Variants in HTD2 observed in about 807,000 individuals in gnomAD.
The protein encoded by HTD2 is hydroxyacyl-thioester dehydratase type 2, mitochondrial.
Under a neutral mutation model 3.1 loss-of-function variants are expected in HTD2, and 1 was observed. That is an observed-to-expected ratio of 0.32 (90% CI 0.11 to 1.52). HTD2 has a LOEUF of 1.52. Ranked by LOEUF, HTD2 falls within the 40% of genes most tolerant of loss-of-function variation. HTD2 has a pLI of 0.39. For missense variants in HTD2, 150 were observed against 79.6 expected (o/e 1.88, Z -3.36); for synonymous variants, 50 against 28.9 (o/e 1.73, Z -2.34).
In HTD2 at chr3:58,317,769, T is replaced by C. The variant is rs759506937; in HGVS notation, c.156T>C (p.Asp52=). 2 of 703,176 alleles carry C rather than the reference T, an allele frequency of 2.8e-6. No individual in the cohort carries two copies. Among genetic ancestry groups the C allele is most frequent in the South Asian group, 3.0e-5 (2 of 67,606 alleles). The allele number at this position is 703,176 out of a possible 1,614,324, so 43.6% of individuals were successfully genotyped here. A position where few individuals can be genotyped will look rare whatever the true frequency, so the allele number is the denominator to read the frequency against. The change falls in exon 5 of 5, where the codon GAT becomes GAC. Residue 52 remains aspartate (D), a synonymous_variant. Transcript: ENST00000461393. ...AELRRAFTQT[D]VATFSELTGD... is the part of the protein sequence containing the mutation. ...TTAGGAGGGCCTTCACACAGACTGATGTGGCTACCTTCTCAGAATTAACAG... is the reference window on the plus strand; with the variant it reads ...TTAGGAGGGCCTTCACACAGACTGACGTGGCTACCTTCTCAGAATTAACAG...
Position 58,317,603 on chromosome 3 carries a change from G to T in HTD2, c.-11G>T. 1 of 810,884 alleles carries T rather than the reference G, an allele frequency of 1.2e-6. No individual in the cohort carries two copies. The highest frequency in any genetic ancestry group is 2.1e-6 in the Non-Finnish European group (1 of 478,818). The allele number at this position is 810,884 out of a possible 1,614,324, so 50.2% of individuals were successfully genotyped here. On this transcript the variant is annotated 5_prime_UTR_variant, in exon 5 of 5. It adds an upstream start codon to the 5' untranslated region. Coordinates refer to ENST00000461393, the MANE Select transcript of HTD2 (RefSeq NM_001348712.2). ...GCTAAAAGCTCTTGATGAAATTTGA[G>T]GGTGCTGAAGATGTTCCCACTAATT...
intron 2 of HTD2, among the ~76,000 whole-genome samples, chr3:58,314,552 AGAAT>A (rs2097486165): frequency 6.6e-6 from 1 of 152,196 alleles, no homozygotes; most frequent in East Asian, 1.9e-4. Context: ...TGTACCTAGC[AGAAT>A]GACTGAAATA....
In HTD2 at chr3:58,306,668, G is replaced by A. The variant is rs1458385564; in HGVS notation, c.-416+17G>A. ...CGGCGCGAGGTGAGCGCTAAATAGT[G>A]GTTGTTGAAAAATATTGAAAGCCAC... On this transcript the variant is annotated intron_variant, in intron 1 of 4. Coordinates refer to ENST00000461393, the MANE Select transcript of HTD2 (RefSeq NM_001348712.2). 1 of 152,256 alleles carries A rather than the reference G, an allele frequency of 6.6e-6. No individual in the cohort carries two copies. The allele number at this position is 152,256 out of a possible 1,614,324, so 9.4% of individuals were successfully genotyped here. A position where few individuals can be genotyped will look rare whatever the true frequency, so the allele number is the denominator to read the frequency against.
chr3:58,306,463 T>G (rs1051715114), upstream of HTD2: 1 of 152,380 alleles, frequency 6.6e-6, no homozygotes, highest in East Asian at 1.9e-4. Context: ...GGGAGCCGTC[T>G]CAGTTGGCCG....
chr3:58,317,274 CT>C (rs1432197647), intron 4 of HTD2, among the ~76,000 whole-genome samples, 165 bp from the exon 5 acceptor site: 3 of 152,266 alleles, frequency 2.0e-5, no homozygotes, highest in East Asian at 3.9e-4. Context: ...TTGGTACGCT[CT>C]TTTTGAGATG....
At chr3:58,312,041 T>G (rs920893662) in intron 2 of HTD2, among the ~76,000 whole-genome samples, 1 of 151,968 alleles carries the variant, frequency 6.6e-6, no homozygotes, top group Admixed American at 6.6e-5. Flanking sequence ...CCAATTTTTT[T>G]ACTTGTAGAG....
Position 58,318,068 on chromosome 3 carries a change from C to T in HTD2, c.455C>T (p.Thr152Ile), listed in dbSNP as rs1431716254. The change falls in exon 5 of 5, where the codon ACT becomes ATT. Residue 152 changes from threonine to isoleucine, a missense_variant. Thr to Ile is a moderately conservative substitution (Grantham distance 89). Transcript: ENST00000461393. ...TGTTCTGTAATAGAAAGTAAAAAGA[C>T]TGTTATGGAAGGCTGGGTTAAAGTT... ...VSCSVIESKK[T>I]VMEGWVKVMV... 5.8e-6 allele frequency: 4 copies of T among 685,506 alleles called. No individual in the cohort carries two copies. The highest frequency in any genetic ancestry group is 4.7e-5 in the South Asian group (3 of 64,042). 42.5% of individuals were successfully genotyped at this position (685,506 alleles called of 1,614,324 possible).
chr3:58,315,866 G>A (rs1374250955), intron 2 of HTD2: 1 of 152,184 alleles, frequency 6.6e-6, no homozygotes, highest in Non-Finnish European at 1.5e-5. Context: ...AGTAAAAATG[G>A]GGTTTCTCCG....
rs2097488779 is a variant in HTD2, at chr3:58,316,839, A to G, written c.-253-76A>G. ...TATAGTTGCAAAGTCAGAAGTGAATATTTTAGAAACCTTAGTTGAAGTTCA... is the reference window on the plus strand; with the variant it reads ...TATAGTTGCAAAGTCAGAAGTGAATGTTTTAGAAACCTTAGTTGAAGTTCA... On this transcript the variant is annotated intron_variant, in intron 3 of 4. Coordinates refer to ENST00000461393, the MANE Select transcript of HTD2 (RefSeq NM_001348712.2). The G allele has an allele frequency of 3.1e-6, 4 of 1,272,724 alleles. No individual in the cohort carries two copies. The South Asian group carries it at 5.1e-5, about 16-fold the overall frequency. 78.8% of individuals were successfully genotyped at this position (1,272,724 alleles called of 1,614,324 possible). A position where few individuals can be genotyped will look rare whatever the true frequency, so the allele number is the denominator to read the frequency against.
At position 58,314,767 on chromosome 3, in the gene HTD2, C is replaced by G. The variant is rs138395281; in HGVS notation, c.-330-1748C>G. On this transcript the variant is annotated intron_variant, in intron 2 of 4. Coordinates refer to ENST00000461393, the MANE Select transcript of HTD2 (RefSeq NM_001348712.2). ...TGGCACAATCTTGGCTCACTGCAAC[C>G]TCCGCCTCCCAGGTTCAGGCGATTC... is the stretch of plus-strand genomic sequence containing the variant. Among the ~76,000 whole-genome samples, 557 of 145,886 alleles carry G rather than the reference C, an allele frequency of 3.8e-3. 2 individuals carry two copies. The highest frequency in any genetic ancestry group is 6.0e-3 in the Non-Finnish European group (402 of 67,200).
chr3:58,312,385 G>A lies in HTD2; in HGVS notation c.-331+1794G>A, dbSNP rs1402311068. 1.1e-4 allele frequency among the ~76,000 whole-genome samples: 11 copies of A among 100,838 alleles called. No homozygotes were observed. In the Admixed American group the frequency reaches 1.8e-3, roughly 16 times the overall value. The allele number at this position is 100,838 out of a possible 152,430, so 66.2% of individuals were successfully genotyped here. ...AGTGATTCTCCTGCCTCAGCCTCCC[G>A]AGTAGCTGAGACTACAGGTACCTGC... On this transcript the variant is annotated intron_variant, in intron 2 of 4. Transcript: ENST00000461393.
Position 58,318,897 on chromosome 3 carries a change from G to C in HTD2, c.*777G>C, listed in dbSNP as rs1341021836. 6.6e-6 allele frequency: 1 copy of C among 152,022 alleles called. No individual in the cohort carries two copies. Among genetic ancestry groups the C allele is most frequent in the Non-Finnish European group, 1.5e-5 (1 of 68,058 alleles). The allele number at this position is 152,022 out of a possible 1,614,324, so 9.4% of individuals were successfully genotyped here. Reference sequence around the variant, plus strand: ...ACCTGTAATCCCAGCTACTTGGGAGGCTGAGGCAGGAGAATCTCTTGAACC... The same window carrying C: ...ACCTGTAATCCCAGCTACTTGGGAGCCTGAGGCAGGAGAATCTCTTGAACC... On this transcript the variant is annotated 3_prime_UTR_variant, in exon 5 of 5. Coordinates refer to ENST00000461393, the MANE Select transcript of HTD2 (RefSeq NM_001348712.2).
rs1453101431 is a variant in HTD2, at chr3:58,317,770, G to GTGGC, written c.159_162dup (p.Thr55GlyfsTer17). 1 of 703,206 alleles carries GTGGC rather than the reference G, an allele frequency of 1.4e-6. No individual in the cohort carries two copies. Among genetic ancestry groups the GTGGC allele is most frequent in the Non-Finnish European group, 2.6e-6 (1 of 385,006 alleles). The allele number at this position is 703,206 out of a possible 1,614,324, so 43.6% of individuals were successfully genotyped here. A position where few individuals can be genotyped will look rare whatever the true frequency, so the allele number is the denominator to read the frequency against. Reference sequence around the variant, plus strand: ...TAGGAGGGCCTTCACACAGACTGATGTGGCTACCTTCTCAGAATTAACAGG... The same window carrying GTGGC: ...TAGGAGGGCCTTCACACAGACTGATGTGGCTGGCTACCTTCTCAGAATTAACAGG... On this transcript the variant is annotated frameshift_variant, in exon 5 of 5. Coordinates refer to ENST00000461393, the MANE Select transcript of HTD2 (RefSeq NM_001348712.2). LOFTEE classifies it high-confidence loss of function.
At chr3:58,312,833 C>T (rs145267207) in intron 2 of HTD2, among the ~76,000 whole-genome samples, 242 of 152,014 alleles carry the variant, frequency 1.6e-3, no homozygotes, top group South Asian at 2.9e-3. Context: ...TGGTGGCGCA[C>T]GCTTGTAGTC....
intron 1 of HTD2, chr3:58,310,266 A>G: frequency 6.9e-7 from 1 of 1,441,448 alleles, no homozygotes; most frequent in Non-Finnish European, 9.7e-7. Flanking sequence ...TCTGAAAAAT[A>G]GCATGTGCAT....
chr3:58,313,471 C>A (rs994026308), intron 2 of HTD2, among the ~76,000 whole-genome samples: 1 of 152,262 alleles, frequency 6.6e-6, no homozygotes. Context: ...TCTGTCAAAT[C>A]AAAATATGCT....
chr3:58,313,594 G>A (rs768333578), intron 2 of HTD2, among the ~76,000 whole-genome samples: 26 of 151,870 alleles, frequency 1.7e-4, no homozygotes, highest in South Asian at 4.2e-4. Flanking sequence ...GAGGCCAAGC[G>A]GGTGGATCAC....
At chr3:58,309,559 A>G (rs1447898048) in intron 1 of HTD2, among the ~76,000 whole-genome samples, 1 of 152,172 alleles carries the variant, frequency 6.6e-6, no homozygotes, top group African/African-American at 2.4e-5. Flanking sequence ...CCTTAGTTTG[A>G]TCAGAATTAG....
Position 58,317,793 on chromosome 3 carries a change from A to G in HTD2, c.180A>G (p.Thr60=), listed in dbSNP as rs1162179876. Residue 60 remains threonine, a synonymous_variant, in exon 5 of 5, where the codon ACA becomes ACG. Coordinates refer to ENST00000461393, the MANE Select transcript of HTD2 (RefSeq NM_001348712.2). ...ATGTGGCTACCTTCTCAGAATTAAC[A>G]GGGGATGTCAATCCTTTGCATTTGA... is the stretch of plus-strand genomic sequence containing the variant. The part of the protein sequence containing the change: ...QTDVATFSEL[T]GDVNPLHLNE... The G allele has an allele frequency of 1.4e-6, 1 of 703,092 alleles. No homozygotes were observed. The highest frequency in any genetic ancestry group is 1.7e-5 in the African/African-American group (1 of 57,394). The allele number at this position is 703,092 out of a possible 1,614,324, so 43.6% of individuals were successfully genotyped here.
Sources: gnomAD v4.1 joint callset for allele counts (sites outside exome capture counted in the v4.1 genomes callset) on GRCh38, gnomAD v4.1.1 for gene constraint, MANE v1.5 for transcripts, NCBI Gene and HGNC (gene_info 2026-07-23, HGNC 2026-07-21) for gene names.